The following MYH3 variants were observed in gnomAD, a reference collection of about 807,000 sequenced individuals.
MYH3 encodes myosin-3.
A neutral mutation model predicts 238.0 loss-of-function variants in MYH3; 130 were observed. The ratio of observed to expected loss-of-function variants is 0.55; its 90% CI spans 0.47 to 0.63. The LOEUF is 0.63. Among genes scored for constraint, MYH3 ranks in the 30% least tolerant of loss-of-function variants. The pLI, the probability that MYH3 is intolerant of heterozygous loss-of-function variation, is 0.00. For missense variants in MYH3, 1,853 were observed against 2,374.9 expected (o/e 0.78, Z 4.57); for synonymous variants, 880 against 924.1 (o/e 0.95, Z 0.86).
intron 7 of MYH3, among the ~76,000 whole-genome samples, chr17:10,649,062 C>T (rs566563615): frequency 6.6e-5 from 10 of 152,210 alleles, no homozygotes; most frequent in Admixed American, 1.3e-4. Context: ...AAGCCCCACC[C>T]TCCTTGACTT....
the MYH3 span, among the ~76,000 whole-genome samples, chr17:10,670,475 T>C: frequency 6.6e-6 from 1 of 152,226 alleles, no homozygotes; most frequent in Admixed American, 6.5e-5. The surrounding 1 kb of genome is among the most constrained non-coding windows in gnomAD (Gnocchi z 7.0). Context: ...TACAGTGTTT[T>C]GTTTGTTTGC....
chr17:10,638,333 GC>G lies in MYH3; in HGVS notation c.3438del (p.Glu1146AspfsTer2), dbSNP rs760103407. 2.5e-6 allele frequency: 4 copies of G among 1,611,356 alleles called. No homozygotes were observed. Among genetic ancestry groups the G allele is most frequent in the Non-Finnish European group, 3.4e-6 (4 of 1,179,998 alleles). On this transcript the variant is annotated frameshift_variant, in exon 27 of 41. Coordinates refer to ENST00000583535, the MANE Select transcript of MYH3 (RefSeq NM_002470.4). LOFTEE classifies it high-confidence loss of function. ...CCCGCCTCCTCCAGCCGCTCGCTCA[GC>G]TCCTCCAGCTCCCGGGCATAGTCGC... is the stretch of plus-strand genomic sequence containing the variant. ...QRSDYARELE[E>X]LSERLEEAGG...
At chr17:10,641,261 C>G (rs1299122858) in intron 18 of MYH3, 24 bp downstream of exon 18, 1 of 1,610,302 alleles carries the variant, frequency 6.2e-7, no homozygotes, top group Non-Finnish European at 8.5e-7. Context: ...TGAGCACCAC[C>G]TAGCGAGCCA....
the MYH3 span, among the ~76,000 whole-genome samples, chr17:10,666,665 G>C: frequency 6.6e-6 from 1 of 151,914 alleles, no homozygotes; most frequent in Non-Finnish European, 1.5e-5. Context: ...GGGAGGCTGA[G>C]GGGGGAGGAC....
At chr17:10,636,435 A>G (rs1343144636) in intron 28 of MYH3, among the ~76,000 whole-genome samples, 1 of 152,168 alleles carries the variant, frequency 6.6e-6, no homozygotes, top group Non-Finnish European at 1.5e-5. Context: ...CCCCAGTGGC[A>G]GGTGTTTCCA....
At chr17:10,662,519 C>T in the MYH3 span, among the ~76,000 whole-genome samples, 3 of 152,132 alleles carry the variant, frequency 2.0e-5, no homozygotes, top group Admixed American at 1.3e-4. Context: ...CAAATTCACC[C>T]TTAAATATTC....
intron 1 of MYH3, among the ~76,000 whole-genome samples, chr17:10,656,400 G>A (rs1222214935): frequency 6.6e-6 from 1 of 152,162 alleles, no homozygotes; most frequent in Non-Finnish European, 1.5e-5. Context: ...TGCTGGGCGT[G>A]GCGGCAGATG....
chr17:10,633,248 C>T (rs1380719625), intron 33 of MYH3, among the ~76,000 whole-genome samples: 1 of 152,110 alleles, frequency 6.6e-6, no homozygotes, highest in African/African-American at 2.4e-5. Context: ...AATAAAAGCA[C>T]GTTTCATTGC....
intron 27 of MYH3, 21 bp from the exon 28 acceptor site, chr17:10,637,956 A>G (rs754156413): frequency 1.9e-6 from 3 of 1,614,036 alleles, no homozygotes; most frequent in East Asian, 4.5e-5. Flanking sequence ...CAGAAAGGGG[A>G]GCAAAGTCAG....
In MYH3 at chr17:10,640,155, G is replaced by T. The variant is rs755444923; in HGVS notation, c.2523C>A (p.Leu841=). 1.2e-6 allele frequency: 2 copies of T among 1,614,038 alleles called. No homozygotes were observed. The highest frequency in any genetic ancestry group is 3.3e-5 in the Admixed American group (2 of 60,008). The change falls in exon 22 of 41, where the codon CTC becomes CTA. Residue 841 remains leucine, a synonymous_variant. Transcript: ENST00000583535. ...TCTCTTTCTCAGTCTCTGCACTCTT[G>T]AGGAGGGGCTTGATCTTGAAGAAGA... The part of the protein sequence containing the change: ...MKLFFKIKPL[L]KSAETEKEMA...
chr17:10,675,951 T>C, the MYH3 span: 6 of 152,302 alleles, frequency 3.9e-5, no homozygotes, highest in South Asian at 8.3e-4. Flanking sequence ...AACTGCATCA[T>C]AGCTCCTTGA....
intron 2 of MYH3, among the ~76,000 whole-genome samples, chr17:10,655,809 G>A (rs1225085295): frequency 2.6e-5 from 4 of 152,070 alleles, no homozygotes; most frequent in African/African-American, 4.8e-5. Flanking sequence ...TTGCCACCAC[G>A]TCCTGCTAAT....
the MYH3 span, among the ~76,000 whole-genome samples, chr17:10,666,903 T>G: frequency 1.3e-5 from 2 of 152,180 alleles, no homozygotes; most frequent in Non-Finnish European, 2.9e-5. Flanking sequence ...ACCCTGCAGA[T>G]AGCAACAAAT....
intron 5 of MYH3, among the ~76,000 whole-genome samples, chr17:10,651,184 C>CAAAA (rs35638998): frequency 1.0e-4 from 11 of 105,942 alleles, no homozygotes; most frequent in East Asian, 3.2e-4. Context: ...GACTCCATCT[C>CAAAA]AAAAAAAAAA....
intron 3 of MYH3, among the ~76,000 whole-genome samples, 179 bp from the exon 4 acceptor site, chr17:10,652,742 C>T (rs1212550528): frequency 6.6e-6 from 1 of 151,750 alleles, no homozygotes; most frequent in Non-Finnish European, 1.5e-5. Flanking sequence ...CTGCCTCAGC[C>T]TCCCAAGTAG....
Position 10,629,928 on chromosome 17 carries a change from C to T in MYH3, c.5572G>A (p.Asp1858Asn). The T allele has an allele frequency of 6.2e-7, 1 of 1,614,136 alleles. No individual in the cohort carries two copies. Among genetic ancestry groups the T allele is most frequent in the Non-Finnish European group, 8.5e-7 (1 of 1,180,024 alleles). ...VKELTYQSEE[D>N]RKNVLRLQDL... ...TGCAATCTCAGCACATTCTTCCTGTCCTCTTCACTCTAAGAATGAGAAAGT... is the reference window on the plus strand; with the variant it reads ...TGCAATCTCAGCACATTCTTCCTGTTCTCTTCACTCTAAGAATGAGAAAGT... The change falls in exon 39 of 41, where the codon GAC becomes AAC. Residue 1858 changes from aspartate to asparagine, a missense_variant. Physicochemically the swap from Asp to Asn is conservative, Grantham distance 23. Around this residue, in one of 3 missense-constraint regions of MYH3, gnomAD observed 1,044 missense variants for 1,192.6 expected, o/e 0.88. Coordinates refer to ENST00000583535, the MANE Select transcript of MYH3 (RefSeq NM_002470.4).
In MYH3 at chr17:10,656,537, C is replaced by CAA. The variant is rs71139057; in HGVS notation, c.-67-391_-67-390dup. On this transcript the variant is annotated intron_variant, in intron 1 of 40. Coordinates refer to ENST00000583535, the MANE Select transcript of MYH3 (RefSeq NM_002470.4). Reference sequence around the variant, plus strand: ...GGGCGACAAGAGCAAAATTCTGTCTCAAAAAAAAAAAAAAAAAAAAAAAAG... The same window carrying CAA: ...GGGCGACAAGAGCAAAATTCTGTCTCAAAAAAAAAAAAAAAAAAAAAAAAAAG... Among the ~76,000 whole-genome samples, 133 of 55,784 alleles carry CAA rather than the reference C, an allele frequency of 2.4e-3. 4 individuals carry two copies. The highest frequency in any genetic ancestry group is 5.7e-3 in the African/African-American group (115 of 20,230). 36.6% of individuals were successfully genotyped at this position (55,784 alleles called of 152,430 possible).
In MYH3 at chr17:10,639,466, G is replaced by A; in HGVS notation, c.2934C>T (p.Asn978=). 6.2e-7 allele frequency: 1 copy of A among 1,614,048 alleles called. No individual in the cohort carries two copies. Among genetic ancestry groups the A allele is most frequent in the Non-Finnish European group, 8.5e-7 (1 of 1,179,996 alleles). The change falls in exon 24 of 41, where the codon AAC becomes AAT. Residue 978 remains asparagine (N), a synonymous_variant. Transcript: ENST00000583535. The part of the protein sequence containing the change: ...EKHATENKVK[N]LTEELSGLDE... Reference sequence around the variant, plus strand: ...CTAACCCAGAGAGTTCCTCAGTAAGGTTTTTAACCTAAGAAGAATTCGCAA... The same window carrying A: ...CTAACCCAGAGAGTTCCTCAGTAAGATTTTTAACCTAAGAAGAATTCGCAA...
chr17:10,635,794 T>A lies in MYH3; in HGVS notation c.3916A>T (p.Lys1306Ter). The A allele has an allele frequency of 6.2e-7, 1 of 1,614,212 alleles. No homozygotes were observed. The highest frequency in any genetic ancestry group is 8.5e-7 in the Non-Finnish European group (1 of 1,180,034). ...ESIVSQLSRS[K>*]QAFTQQTEEL... ...TCTGTTTGCTGGGTAAAGGCTTGCTTGCTCCTGGAAAGTTGGGATACTATG... is the reference window on the plus strand; with the variant it reads ...TCTGTTTGCTGGGTAAAGGCTTGCTAGCTCCTGGAAAGTTGGGATACTATG... The change falls in exon 29 of 41, where the codon AAG becomes TAG. Residue 1306 changes from lysine to a stop codon, truncating the protein, a stop_gained. Coordinates refer to ENST00000583535, the MANE Select transcript of MYH3 (RefSeq NM_002470.4). LOFTEE classifies it high-confidence loss of function.
Sources: gnomAD v4.1 joint callset for allele counts (sites outside exome capture counted in the v4.1 genomes callset) on GRCh38, gnomAD v4.1.1 for gene constraint, gnomAD v4.1.1 regional missense constraint, Gnocchi (gnomAD v3.1) non-coding constraint, MANE v1.5 for transcripts, NCBI Gene and HGNC (gene_info 2026-07-23, HGNC 2026-07-21) for gene names.